The following RNF150 variants were observed in gnomAD, a reference collection of about 807,000 sequenced individuals.
RNF150 encodes ring finger protein 150.
Under a neutral mutation model 39.3 loss-of-function variants are expected in RNF150, and 24 were observed. The ratio of observed to expected loss-of-function variants is 0.61; its 90% CI spans 0.44 to 0.86. The LOEUF (loss-of-function observed/expected upper bound fraction) is 0.86. RNF150 is among the 40% of genes least tolerant of loss of function. The pLI, the probability that RNF150 is intolerant of heterozygous loss-of-function variation, is 0.00. For synonymous variants in RNF150, 255 were observed against 227.3 expected (o/e 1.12, Z -1.10); for missense variants, 502 against 587.8 (o/e 0.85, Z 1.51).
At chr4:141,199,263 G>A (rs1441630261) in intron 1 of RNF150, among the ~76,000 whole-genome samples, 1 of 152,198 alleles carries the variant, frequency 6.6e-6, no homozygotes, top group Non-Finnish European at 1.5e-5. Context: ...ATCACACATT[G>A]CTGGTGGGAT....
At chr4:141,045,235 C>A (rs1251457451) in intron 1 of RNF150, among the ~76,000 whole-genome samples, 1 of 152,156 alleles carries the variant, frequency 6.6e-6, no homozygotes, top group Non-Finnish European at 1.5e-5. Context: ...CCAGAAACAC[C>A]TGGAAGGTCA....
At chr4:141,053,229 G>A (rs1033975666) in intron 1 of RNF150, among the ~76,000 whole-genome samples, 1 of 152,002 alleles carries the variant, frequency 6.6e-6, no homozygotes, top group African/African-American at 2.4e-5. Context: ...ATACATACTC[G>A]ATACAGATCA....
At chr4:141,163,382 C>G (rs1727547260) in intron 1 of RNF150, among the ~76,000 whole-genome samples, 1 of 152,244 alleles carries the variant, frequency 6.6e-6, no homozygotes, top group East Asian at 1.9e-4. Flanking sequence ...ACAGCTTCAG[C>G]AGACTTAAAC....
At chr4:140,932,509 A>G (rs1462727537) in intron 4 of RNF150, among the ~76,000 whole-genome samples, 1 of 151,990 alleles carries the variant, frequency 6.6e-6, no homozygotes. Context: ...ACTGACAGTC[A>G]GTGTTTTTAC....
At chr4:141,084,641 T>C (rs561403332) in intron 1 of RNF150, among the ~76,000 whole-genome samples, 1 of 152,190 alleles carries the variant, frequency 6.6e-6, no homozygotes, top group African/African-American at 2.4e-5. Flanking sequence ...CAGACAATTC[T>C]AGTACAGAGG....
chr4:140,876,555 A>G (rs911656579), intron 6 of RNF150, among the ~76,000 whole-genome samples: 1 of 152,212 alleles, frequency 6.6e-6, no homozygotes, highest in Admixed American at 6.5e-5. Flanking sequence ...TAGGGTGGAT[A>G]CTAATAGCTA....
chr4:140,964,246 G>C (rs1733149414), intron 2 of RNF150, among the ~76,000 whole-genome samples: 1 of 152,036 alleles, frequency 6.6e-6, no homozygotes. Context: ...TTCAATTGCT[G>C]GCTCTATTAG....
intron 5 of RNF150, among the ~76,000 whole-genome samples, chr4:140,924,498 T>C (rs1431722415): frequency 6.6e-6 from 1 of 152,106 alleles, no homozygotes; most frequent in African/African-American, 2.4e-5. Context: ...CCCTGAACAA[T>C]AGGAACACAT....
chr4:141,026,525 TG>T (rs1264993341), intron 1 of RNF150, among the ~76,000 whole-genome samples: 1 of 152,086 alleles, frequency 6.6e-6, no homozygotes, highest in African/African-American at 2.4e-5. Flanking sequence ...GGAATTTAGG[TG>T]GGGTGTGCAA....
At chr4:141,073,665 G>GC (rs796570251) in intron 1 of RNF150, among the ~76,000 whole-genome samples, 3 of 115,936 alleles carry the variant, frequency 2.6e-5, no homozygotes, top group Non-Finnish European at 6.8e-5. Flanking sequence ...ATCAAGCTCG[G>GC]GGGGGGAAGT....
chr4:141,128,213 T>C (rs537135577), intron 1 of RNF150, among the ~76,000 whole-genome samples: 35 of 152,294 alleles, frequency 2.3e-4, no homozygotes, highest in African/African-American at 8.2e-4. Context: ...TTAGAAGGGC[T>C]AACATTTTTT....
At chr4:140,954,267 G>A (rs771097426) in intron 2 of RNF150, among the ~76,000 whole-genome samples, 3 of 152,100 alleles carry the variant, frequency 2.0e-5, no homozygotes, top group Non-Finnish European at 4.4e-5. Context: ...AGGCTGGAGT[G>A]CAATGGCGTG....
intron 1 of RNF150, among the ~76,000 whole-genome samples, chr4:141,209,389 A>AC (rs1369516534): frequency 6.6e-6 from 1 of 152,164 alleles, no homozygotes; most frequent in Non-Finnish European, 1.5e-5. Context: ...CATTAGGTGA[A>AC]TATGTAACAG....
intron 2 of RNF150, among the ~76,000 whole-genome samples, chr4:140,957,831 A>G (rs569909083): frequency 6.0e-5 from 9 of 148,984 alleles, no homozygotes; most frequent in South Asian, 2.2e-4. Context: ...ATTCTCTCTC[A>G]TAGGTGGGAA....
chr4:141,192,536 T>C (rs901909529), intron 1 of RNF150, among the ~76,000 whole-genome samples: 4 of 152,074 alleles, frequency 2.6e-5, no homozygotes, highest in African/African-American at 9.7e-5. Context: ...GAGAAATAGT[T>C]TAGACAGGAA....
rs1731342949 is a variant in RNF150 at position 140,925,198 on chromosome 4, T to C, written c.987+779A>G. ...CTCTCAGTGTAGTCCTTGGATTTGG[T>C]GGCCTGCCTTGCTTCCTGCCCTCAT... On this transcript the variant is annotated intron_variant, in intron 5 of 6. Coordinates refer to ENST00000515673, the MANE Select transcript of RNF150 (RefSeq NM_020724.2). 1.3e-5 allele frequency among the ~76,000 whole-genome samples: 2 copies of C among 152,170 alleles called. 1 individual carries two copies. The highest frequency in any genetic ancestry group is 1.3e-4 in the Admixed American group (2 of 15,268).
intron 1 of RNF150, among the ~76,000 whole-genome samples, chr4:140,994,702 G>A (rs1259746817): frequency 6.6e-6 from 1 of 152,214 alleles, no homozygotes; most frequent in Non-Finnish European, 1.5e-5. Context: ...CAGCACTGAA[G>A]GATGAAATGA....
intron 1 of RNF150, among the ~76,000 whole-genome samples, chr4:141,000,107 G>GA (rs1248320643): frequency 2.1e-5 from 3 of 141,710 alleles, no homozygotes; most frequent in East Asian, 2.0e-4. Flanking sequence ...AGAAGAAGAA[G>GA]AGGAGGAAGA....
intron 1 of RNF150, among the ~76,000 whole-genome samples, chr4:140,971,263 A>AGGGAAGGAGAAAAAGGGGTGGGGCT: frequency 1.3e-5 from 2 of 151,710 alleles, no homozygotes; most frequent in African/African-American, 4.9e-5. Context: ...GGTGTGAGGC[A>AGGGAAGGAGAAAAAGGGGTGGGGCT]GGGAAGGAGA....
Sources: allele counts gnomAD v4.1 joint callset (sites outside exome capture counted in the v4.1 genomes callset), GRCh38; gene constraint gnomAD v4.1.1; transcripts MANE v1.5; gene names NCBI Gene and HGNC (gene_info 2026-07-23, HGNC 2026-07-21).